CASK: variants seen among roughly 807,000 people sequenced by gnomAD.
CASK encodes the protein peripheral plasma membrane protein CASK.
Under a neutral mutation model 82.9 loss-of-function variants are expected in CASK, and 4 were observed. The observed-to-expected ratio is 0.05, with a 90% CI of 0.02 to 0.11. The LOEUF is 0.11. Among genes scored for constraint, CASK ranks in the 10% least tolerant of loss-of-function variants. The probability of loss-of-function intolerance (pLI) is 1.00; values close to 1 mark genes in which losing one functional copy is unlikely to be tolerated. For synonymous variants in CASK, 259 were observed against 253.5 expected (o/e 1.02, Z -0.20); for missense variants, 358 against 720.9 (o/e 0.50, Z 5.76).
At chrX:41,590,226 G>A (rs1022341190) in intron 12 of CASK, 1 of 112,160 alleles carries the variant, frequency 8.9e-6, no homozygotes, top group Non-Finnish European at 1.9e-5. Flanking sequence ...GCAAATATAC[G>A]CTGGGAGCGA....
chrX:41,854,203 T>TGCGC (rs1252712343), intron 1 of CASK, among the ~76,000 whole-genome samples: 3 of 77,655 alleles, frequency 3.9e-5, no homozygotes, highest in African/African-American at 9.5e-5. Flanking sequence ...CCAGGGAACA[T>TGCGC]GCGCGCGCGC....
intron 11 of CASK, among the ~76,000 whole-genome samples, chrX:41,615,250 C>T (rs1167630521): frequency 9.0e-6 from 1 of 111,513 alleles, no homozygotes; most frequent in Non-Finnish European, 1.9e-5. Context: ...AGGTATTAAC[C>T]CAATCCACTT....
chrX:41,579,281 A>G (rs1369490255), intron 14 of CASK, among the ~76,000 whole-genome samples: 1 of 112,165 alleles, frequency 8.9e-6, no homozygotes, highest in African/African-American at 3.2e-5. Flanking sequence ...CCAAAATATC[A>G]CGTATGATAT....
At chrX:41,831,010 C>T (rs2070799015) in intron 2 of CASK, among the ~76,000 whole-genome samples, 2 of 110,029 alleles carry the variant, frequency 1.8e-5, no homozygotes, top group Non-Finnish European at 3.8e-5. Flanking sequence ...CTTATTGCAC[C>T]ATCCCGAGAC....
chrX:41,873,973 T>A (rs2071761604), intron 1 of CASK, among the ~76,000 whole-genome samples: 1 of 109,488 alleles, frequency 9.1e-6, no homozygotes, highest in Admixed American at 9.7e-5. Context: ...TGTATTTTAG[T>A]AGAGACGGGG....
chrX:41,763,140 A>C (rs1423191996), intron 3 of CASK, among the ~76,000 whole-genome samples: 1 of 111,577 alleles, frequency 9.0e-6, no homozygotes. Context: ...ATGTGAAGTA[A>C]GAAAAGCAGA....
chrX:41,832,895 C>T (rs1244135979), intron 2 of CASK, among the ~76,000 whole-genome samples: 1 of 111,878 alleles, frequency 8.9e-6, no homozygotes, highest in Non-Finnish European at 1.9e-5. Context: ...GCACTCAACA[C>T]TATGCTTTGG....
intron 19 of CASK, 70 bp from the exon 20 acceptor site, chrX:41,555,705 T>G (rs2065152023): frequency 1.9e-5 from 15 of 789,104 alleles, no homozygotes; most frequent in Non-Finnish European, 2.9e-5. Flanking sequence ...AATTTGTGTG[T>G]TCTGTTACAA....
At chrX:41,563,504 T>C in intron 16 of CASK, among the ~76,000 whole-genome samples, 1 of 103,347 alleles carries the variant, frequency 9.7e-6, no homozygotes, top group Non-Finnish European at 2.0e-5. Context: ...AAACATATAA[T>C]GAAGAGAATG....
chrX:41,777,267 G>A (rs1044929316), intron 3 of CASK, among the ~76,000 whole-genome samples: 5 of 110,794 alleles, frequency 4.5e-5, no homozygotes. Context: ...AGAGGCAGGC[G>A]GATCACTTGA....
chrX:41,688,231 G>C (rs1486765809), intron 5 of CASK, among the ~76,000 whole-genome samples: 1 of 111,296 alleles, frequency 9.0e-6, no homozygotes, highest in Non-Finnish European at 1.9e-5. Context: ...GAAATAATTA[G>C]AATGTTAGAT....
At chrX:41,542,890 T>G in intron 21 of CASK, 84 bp from the exon 22 acceptor site, 1 of 611,633 alleles carries the variant, frequency 1.6e-6, no homozygotes, top group Admixed American at 2.8e-5. Flanking sequence ...TTTGAAGAAT[T>G]TATATAAAAC....
At chrX:41,625,722 A>G (rs2066358203) in intron 10 of CASK, among the ~76,000 whole-genome samples, 1 of 111,232 alleles carries the variant, frequency 9.0e-6, no homozygotes, top group African/African-American at 3.3e-5. Flanking sequence ...CAGTTCATCA[A>G]AACAAATAAC....
intron 1 of CASK, among the ~76,000 whole-genome samples, chrX:41,863,885 T>C (rs2071540432): frequency 8.9e-6 from 1 of 112,084 alleles, no homozygotes. Context: ...TGAAATTACA[T>C]TGTAAATCAT....
chrX:41,604,099 C>T (rs1209570362), intron 12 of CASK, among the ~76,000 whole-genome samples: 1 of 108,995 alleles, frequency 9.2e-6, no homozygotes, highest in Non-Finnish European at 1.9e-5. Flanking sequence ...ACACCAATTC[C>T]CAATAAAGCA....
chrX:41,900,035 G>GT (rs992999627), intron 1 of CASK, among the ~76,000 whole-genome samples: 1 of 106,524 alleles, frequency 9.4e-6, no homozygotes, highest in African/African-American at 3.4e-5. Flanking sequence ...TGGTTGGCAG[G>GT]TTTTTTGTTT....
intron 5 of CASK, chrX:41,728,254 CA>C: frequency 3.4e-6 from 1 of 293,164 alleles, no homozygotes; most frequent in Non-Finnish European, 6.1e-6. Context: ...AAAAATTAAG[CA>C]TATTGAAAGG....
chrX:41,844,174 T>C (rs1175859029), intron 2 of CASK, among the ~76,000 whole-genome samples: 3 of 111,800 alleles, frequency 2.7e-5, no homozygotes, highest in African/African-American at 9.7e-5. Context: ...ATAAGGGATA[T>C]TGGTCCTTTC....
intron 8 of CASK, among the ~76,000 whole-genome samples, chrX:41,639,642 T>A (rs2066616763): frequency 1.8e-5 from 2 of 111,357 alleles, no homozygotes; most frequent in South Asian, 7.6e-4. Flanking sequence ...ATGTACAATT[T>A]GATAAGTTTT....
Sources: gnomAD v4.1 joint callset for allele counts (sites outside exome capture counted in the v4.1 genomes callset) on GRCh38, gnomAD v4.1.1 for gene constraint, MANE v1.5 for transcripts, NCBI Gene and HGNC (gene_info 2026-07-23, HGNC 2026-07-21) for gene names.